The following ADGRG1 variants were observed in gnomAD, a reference collection of about 807,000 sequenced individuals.
ADGRG1 encodes 7-transmembrane protein with no EGF-like N-terminal domains-1.
In ADGRG1, 53 loss-of-function variants were observed where a neutral mutation model predicts 73.5. That is an observed-to-expected ratio of 0.72 (90% CI 0.58 to 0.91). The LOEUF (loss-of-function observed/expected upper bound fraction) is 0.91. Among genes scored for constraint, ADGRG1 ranks in the 40% least tolerant of loss-of-function variants. ADGRG1 has a pLI of 0.00. For missense variants in ADGRG1, 795 were observed against 871.8 expected (o/e 0.91, Z 1.11); for synonymous variants, 394 against 374.4 (o/e 1.05, Z -0.60).
intron 1 of ADGRG1, chr16:57,640,945 A>G: frequency 1.0e-6 from 1 of 985,452 alleles, no homozygotes. Context: ...GAACACAGAT[A>G]GGGAAGGGGA....
chr16:57,631,328 T>G, intron 1 of ADGRG1: 1 of 985,690 alleles, frequency 1.0e-6, no homozygotes. Context: ...CCAGCCGGAC[T>G]GGGATGCGGG....
intron 3 of ADGRG1, chr16:57,651,912 C>G: frequency 7.2e-7 from 1 of 1,380,678 alleles, no homozygotes. Flanking sequence ...CAGAGAAGGT[C>G]TTGGTGAAGG....
At chr16:57,628,905 TGA>T (rs1216547386) in intron 1 of ADGRG1, 103 bp downstream of exon 1, 2 of 870,466 alleles carry the variant, frequency 2.3e-6, no homozygotes, top group African/African-American at 2.9e-5. Context: ...TGTGTGAGTG[TGA>T]GTGTGTGAGA....
intron 1 of ADGRG1, chr16:57,641,365 G>C: frequency 1.0e-6 from 1 of 983,006 alleles, no homozygotes. Context: ...GAGATGGCCA[G>C]GTGGAGACTT....
chr16:57,648,405 C>T lies in ADGRG1; in HGVS notation c.-35-1848C>T, dbSNP rs545584995. Reference sequence around the variant, plus strand: ...TTCACATCCTTCTTCTCAAAGGGCTCTGTGATGCCACCAGGGCAAGATGAT... The same window carrying T: ...TTCACATCCTTCTTCTCAAAGGGCTTTGTGATGCCACCAGGGCAAGATGAT... On this transcript the variant is annotated intron_variant, in intron 1 of 13. Transcript: ENST00000562631. 149 of 963,904 alleles carry T rather than the reference C, an allele frequency of 1.5e-4. No individual in the cohort carries two copies. The African/African-American group carries it at 2.5e-3, about 16-fold the overall frequency. 59.7% of individuals were successfully genotyped at this position (963,904 alleles called of 1,614,324 possible).
intron 1 of ADGRG1, 164 bp from the exon 2 acceptor site, chr16:57,650,089 T>C (rs1229973716): frequency 1.0e-6 from 1 of 974,842 alleles, no homozygotes; most frequent in Non-Finnish European, 1.2e-6. Context: ...CACTGCCTCT[T>C]GGGGAGCGGC....
chr16:57,628,670 G>T lies in ADGRG1; in HGVS notation c.-168G>T. Reference sequence around the variant, plus strand: ...CCTGCCCTGCCGTAGGAGATGGGCTGGGAGCCTCCCACGCTCTCCAGCTCA... The same window carrying T: ...CCTGCCCTGCCGTAGGAGATGGGCTTGGAGCCTCCCACGCTCTCCAGCTCA... On this transcript the variant is annotated 5_prime_UTR_variant, in exon 1 of 14. Coordinates refer to ENST00000562631, the MANE Select transcript of ADGRG1 (RefSeq NM_201525.4). 3 of 985,542 alleles carry T rather than the reference G, an allele frequency of 3.0e-6. No individual in the cohort carries two copies. The highest frequency in any genetic ancestry group is 3.6e-6 in the Non-Finnish European group (3 of 830,000). The allele number at this position is 985,542 out of a possible 1,614,324, so 61.0% of individuals were successfully genotyped here. A position where few individuals can be genotyped will look rare whatever the true frequency, so the allele number is the denominator to read the frequency against.
upstream of ADGRG1, chr16:57,628,531 C>T (rs2036356620): frequency 1.0e-6 from 1 of 985,544 alleles, no homozygotes; most frequent in East Asian, 1.1e-4. Context: ...TCACATATAT[C>T]GTCCGTCATC....
Position 57,660,757 on chromosome 16 carries a change from G to A in ADGRG1, c.1556-11G>A, listed in dbSNP as rs1243557846. ...AGCGGGAAGTAGAGCAACATGCATT[G>A]CCACCCTCAGGCTTCCCCATCTTTC... is the stretch of plus-strand genomic sequence containing the variant. On this transcript the variant is annotated splice_polypyrimidine_tract_variant and intron_variant, in intron 11 of 13. Transcript: ENST00000562631. 2.5e-6 allele frequency: 4 copies of A among 1,580,306 alleles called. No individual in the cohort carries two copies. Among genetic ancestry groups the A allele is most frequent in the Non-Finnish European group, 3.5e-6 (4 of 1,150,668 alleles).
Position 57,663,906 on chromosome 16 carries a change from T to G in ADGRG1, c.*324T>G. 2 of 432,424 alleles carry G rather than the reference T, an allele frequency of 4.6e-6. No homozygotes were observed. The highest frequency in any genetic ancestry group is 4.9e-5 in the East Asian group (1 of 20,504). The allele number at this position is 432,424 out of a possible 1,614,324, so 26.8% of individuals were successfully genotyped here. On this transcript the variant is annotated 3_prime_UTR_variant, in exon 14 of 14. Coordinates refer to ENST00000562631, the MANE Select transcript of ADGRG1 (RefSeq NM_201525.4). ...TACAACCCCTGGGCCCAGCCCTCAT[T>G]GCTGGGGGCCAGGCCTTGGATCTTG...
chr16:57,648,410 A>C (rs1430558450), intron 1 of ADGRG1: 2 of 970,176 alleles, frequency 2.1e-6, no homozygotes, highest in Non-Finnish European at 2.5e-6. Flanking sequence ...GGGCTCTGTG[A>C]TGCCACCAGG....
At chr16:57,658,829 G>A (rs1430442410) in intron 10 of ADGRG1, 17 of 305,008 alleles carry the variant, frequency 5.6e-5, no homozygotes, top group Non-Finnish European at 8.2e-5. Flanking sequence ...CTCAAGGGGA[G>A]GGGACCAGCT....
chr16:57,651,674 G>A, intron 3 of ADGRG1, 52 bp downstream of exon 3: 1 of 1,573,728 alleles, frequency 6.4e-7, no homozygotes, highest in South Asian at 1.1e-5. Context: ...CTAGAGGCAG[G>A]GAAGGCAAAA....
chr16:57,629,074 G>C (rs1431191990), intron 1 of ADGRG1: 1 of 650,236 alleles, frequency 1.5e-6, no homozygotes, highest in African/African-American at 2.0e-5. Context: ...GTGAGTGTGA[G>C]TGTGGGAGTG....
chr16:57,641,549 A>G, intron 1 of ADGRG1: 1 of 982,514 alleles, frequency 1.0e-6, no homozygotes, highest in Non-Finnish European at 1.2e-6. Flanking sequence ...AGTCTCTTCA[A>G]TCAATTCTAA....
At position 57,663,880 on chromosome 16, in the gene ADGRG1, T is replaced by C; in HGVS notation, c.*298T>C. On this transcript the variant is annotated 3_prime_UTR_variant, in exon 14 of 14. Coordinates refer to ENST00000562631, the MANE Select transcript of ADGRG1 (RefSeq NM_201525.4). ...ACCCAGCTGGAGGCCTGGTCTCTCCTTACAACCCCTGGGCCCAGCCCTCAT... is the reference window on the plus strand; with the variant it reads ...ACCCAGCTGGAGGCCTGGTCTCTCCCTACAACCCCTGGGCCCAGCCCTCAT... 1 of 495,680 alleles carries C rather than the reference T, an allele frequency of 2.0e-6. No homozygotes were observed. 30.7% of individuals were successfully genotyped at this position (495,680 alleles called of 1,614,324 possible).
chr16:57,636,734 A>T, intron 1 of ADGRG1: 1 of 980,600 alleles, frequency 1.0e-6, no homozygotes, highest in Non-Finnish European at 1.2e-6. Context: ...TTACTCATCC[A>T]GCAGTCACTG....
At chr16:57,660,919 G>T in intron 12 of ADGRG1, 43 bp downstream of exon 12, 2 of 1,173,228 alleles carry the variant, frequency 1.7e-6, no homozygotes, top group Non-Finnish European at 2.6e-6. Flanking sequence ...TGGGTCTCTG[G>T]GCACAGAGGC....
chr16:57,663,040 C>T (rs1234323515), intron 13 of ADGRG1: 1 of 985,108 alleles, frequency 1.0e-6, no homozygotes, highest in African/African-American at 1.7e-5. Context: ...TACATTCACA[C>T]AGACATTTAC....
Sources: gnomAD v4.1 joint callset for allele counts on GRCh38, gnomAD v4.1.1 for gene constraint, MANE v1.5 for transcripts, NCBI Gene and HGNC (gene_info 2026-07-23, HGNC 2026-07-21) for gene names.